The following RRAGD variants were observed in gnomAD, a reference collection of about 807,000 sequenced individuals.
RRAGD encodes the protein ras-related GTP-binding protein D.
In RRAGD, 12 loss-of-function variants were observed where a neutral mutation model predicts 35.5. That is an observed-to-expected ratio of 0.34 (90% CI 0.22 to 0.55). RRAGD has a LOEUF of 0.55. Among genes scored for constraint, RRAGD ranks in the 20% least tolerant of loss-of-function variants. RRAGD has a pLI of 0.91. For synonymous variants in RRAGD, 155 were observed against 178.9 expected (o/e 0.87, Z 1.07); for missense variants, 324 against 490.1 (o/e 0.66, Z 3.20).
In RRAGD at chr6:89,381,410, A is replaced by T. The variant is rs375186421; in HGVS notation, c.445-1043T>A. On this transcript the variant is annotated intron_variant, in intron 2 of 6. Coordinates refer to ENST00000369415, the MANE Select transcript of RRAGD (RefSeq NM_021244.5). ...CTATATAATGAACACCTGTGTATTT[A>T]TCTCTATTTAGGAAATAAAACACCT... Among the ~76,000 whole-genome samples the T allele has an allele frequency of 6.6e-5, 10 of 152,212 alleles. No homozygotes were observed. The East Asian group carries it at 1.2e-3, about 18-fold the overall frequency.
intron 1 of RRAGD, among the ~76,000 whole-genome samples, chr6:89,402,426 G>T (rs531395595): frequency 1.3e-5 from 2 of 152,060 alleles, no homozygotes; most frequent in African/African-American, 4.8e-5. Context: ...ACTCCCTTGC[G>T]GGTCCCAGTA....
At chr6:89,405,247 G>C (rs1196566428) in intron 1 of RRAGD, among the ~76,000 whole-genome samples, 2 of 151,638 alleles carry the variant, frequency 1.3e-5, no homozygotes, top group Admixed American at 1.3e-4. Flanking sequence ...CCAGCTGCTG[G>C]GGAGGCTGAG....
rs1562449107 is a variant in RRAGD, at chr6:89,380,079, C to T, written c.644+89G>A. 1.5e-5 allele frequency: 17 copies of T among 1,137,686 alleles called. No individual in the cohort carries two copies. The South Asian group carries it at 1.7e-4, about 11-fold the overall frequency. The allele number at this position is 1,137,686 out of a possible 1,614,324, so 70.5% of individuals were successfully genotyped here. A position where few individuals can be genotyped will look rare whatever the true frequency, so the allele number is the denominator to read the frequency against. On this transcript the variant is annotated intron_variant, in intron 3 of 6. Coordinates refer to ENST00000369415, the MANE Select transcript of RRAGD (RefSeq NM_021244.5). ...AGGGTAAAAAGAAGGTAAATTACTGCCCATGCCAAGCCAATCATGGTGACT... is the reference window on the plus strand; with the variant it reads ...AGGGTAAAAAGAAGGTAAATTACTGTCCATGCCAAGCCAATCATGGTGACT...
Position 89,366,751 on chromosome 6 carries a change from T to G in RRAGD, c.*1305A>C, listed in dbSNP as rs1768757342. 1 of 152,194 alleles carries G rather than the reference T, an allele frequency of 6.6e-6. No homozygotes were observed. Among genetic ancestry groups the G allele is most frequent in the Non-Finnish European group, 1.5e-5 (1 of 68,038 alleles). 9.4% of individuals were successfully genotyped at this position (152,194 alleles called of 1,614,324 possible). On this transcript the variant is annotated 3_prime_UTR_variant, in exon 7 of 7. Transcript: ENST00000369415. Reference sequence around the variant, plus strand: ...GGTAGATTTAGGACTCTTAATTTCCTGTTAGTCTAAAGTAAACATAAGTGA... The same window carrying G: ...GGTAGATTTAGGACTCTTAATTTCCGGTTAGTCTAAAGTAAACATAAGTGA...
In RRAGD at chr6:89,412,057, G is replaced by T; in HGVS notation, c.-64C>A. On this transcript the variant is annotated 5_prime_UTR_variant, in exon 1 of 7. Transcript: ENST00000369415. This position sits in a 1 kb window ranked among gnomAD's most constrained non-coding sequence, Gnocchi z 4.2. The stretch of plus-strand genomic sequence containing the variant: ...CCCGGGGTGGGGGCCAAGCCTCCTA[G>T]CCGGCCGCCCGCAGCCTATTTCTGA... 6.9e-7 allele frequency: 1 copy of T among 1,448,860 alleles called. No individual in the cohort carries two copies. The highest frequency in any genetic ancestry group is 1.3e-5 in the South Asian group (1 of 74,734). The allele number at this position is 1,448,860 out of a possible 1,614,324, so 89.8% of individuals were successfully genotyped here. A position where few individuals can be genotyped will look rare whatever the true frequency, so the allele number is the denominator to read the frequency against.
intron 2 of RRAGD, among the ~76,000 whole-genome samples, chr6:89,386,291 T>C (rs556401542): frequency 5.9e-5 from 9 of 152,294 alleles, no homozygotes; most frequent in African/African-American, 1.7e-4. Flanking sequence ...TCCTAAAATG[T>C]ATCTGCCTGA....
Position 89,411,139 on chromosome 6 carries a change from T to A in RRAGD, c.148+707A>T, listed in dbSNP as rs1046914821. Among the ~76,000 whole-genome samples, 4 of 152,200 alleles carry A rather than the reference T, an allele frequency of 2.6e-5. No individual in the cohort carries two copies. The highest frequency in any genetic ancestry group is 4.8e-5 in the African/African-American group (2 of 41,454). ...CAGGAAAAAGAGTTTGCTTCACTAT[T>A]GAAGCAAAGAATTCCCCGCCGCGCG... On this transcript the variant is annotated intron_variant, in intron 1 of 6. Coordinates refer to ENST00000369415, the MANE Select transcript of RRAGD (RefSeq NM_021244.5). The surrounding 1 kb of genome is among the most constrained non-coding windows in gnomAD (Gnocchi z 5.6).
intron 2 of RRAGD, among the ~76,000 whole-genome samples, chr6:89,381,403 T>C (rs1769040616): frequency 6.6e-6 from 1 of 152,192 alleles, no homozygotes; most frequent in African/African-American, 2.4e-5. Context: ...TGAACACCTG[T>C]GTATTTATCT....
At chr6:89,391,641 T>C (rs1769236584) in intron 1 of RRAGD, among the ~76,000 whole-genome samples, 1 of 152,098 alleles carries the variant, frequency 6.6e-6, no homozygotes, top group South Asian at 2.1e-4. Context: ...GTATGTAGTT[T>C]CTTTGGAGTG....
intron 1 of RRAGD, among the ~76,000 whole-genome samples, chr6:89,410,781 T>G (rs1042922684): frequency 2.6e-5 from 4 of 152,222 alleles, no homozygotes; most frequent in Non-Finnish European, 4.4e-5. Context: ...GAATTTAAAA[T>G]AAGTTCAGTG....
chr6:89,412,086 G>C lies in RRAGD; in HGVS notation c.-93C>G. 5 of 1,332,768 alleles carry C rather than the reference G, an allele frequency of 3.8e-6. No individual in the cohort carries two copies. The highest frequency in any genetic ancestry group is 5.0e-6 in the Non-Finnish European group (5 of 1,009,118). 82.6% of individuals were successfully genotyped at this position (1,332,768 alleles called of 1,614,324 possible). A position where few individuals can be genotyped will look rare whatever the true frequency, so the allele number is the denominator to read the frequency against. On this transcript the variant is annotated 5_prime_UTR_variant, in exon 1 of 7. Coordinates refer to ENST00000369415, the MANE Select transcript of RRAGD (RefSeq NM_021244.5). The surrounding 1 kb of genome is among the most constrained non-coding windows in gnomAD (Gnocchi z 4.2). ...GCCGCCCGCAGCCTATTTCTGAAGC[G>C]GAGGTTTGTCTAGAGCTCAGCGGGG...
intron 6 of RRAGD, among the ~76,000 whole-genome samples, chr6:89,368,578 G>T (rs909047450): frequency 6.6e-6 from 1 of 152,128 alleles, no homozygotes; most frequent in Admixed American, 6.5e-5. Flanking sequence ...TCTCCCCAAA[G>T]GGCATTATTA....
chr6:89,402,038 A>ATTTT lies in RRAGD; in HGVS notation c.148+9804_148+9807dup, dbSNP rs71556520. On this transcript the variant is annotated intron_variant, in intron 1 of 6. Transcript: ENST00000369415. ...TGAAAGCACTGAGGAAATCCTAAGGATTTTTTTTTTTTTTTTTTTTTTGGT... is the reference window on the plus strand; with the variant it reads ...TGAAAGCACTGAGGAAATCCTAAGGATTTTTTTTTTTTTTTTTTTTTTTTTTGGT... 2.3e-3 allele frequency among the ~76,000 whole-genome samples: 183 copies of ATTTT among 78,430 alleles called. 21 individuals carry two copies. Among genetic ancestry groups the ATTTT allele is most frequent in the African/African-American group, 8.2e-3 (130 of 15,864 alleles). The allele number at this position is 78,430 out of a possible 152,430, so 51.5% of individuals were successfully genotyped here.
intron 1 of RRAGD, 58 bp from the exon 2 acceptor site, chr6:89,387,648 G>A (rs1289073254): frequency 2.0e-6 from 3 of 1,468,892 alleles, no homozygotes; most frequent in Non-Finnish European, 2.8e-6. Context: ...GTTAATTAGA[G>A]GAGTTTCACT....
rs1768740911 is a variant in RRAGD, at chr6:89,366,234, T to C, written c.*1822A>G. 1 of 149,458 alleles carries C rather than the reference T, an allele frequency of 6.7e-6. No homozygotes were observed. The highest frequency in any genetic ancestry group is 6.7e-5 in the Admixed American group (1 of 15,014). The allele number at this position is 149,458 out of a possible 1,614,324, so 9.3% of individuals were successfully genotyped here. On this transcript the variant is annotated 3_prime_UTR_variant, in exon 7 of 7. Coordinates refer to ENST00000369415, the MANE Select transcript of RRAGD (RefSeq NM_021244.5). The stretch of plus-strand genomic sequence containing the variant: ...GTTGGAAAGAAGCCACAGAGAGAAG[T>C]GGGAAAGTTTAGGCTGGGCACAGTA...
chr6:89,391,574 T>C (rs1344121325), intron 1 of RRAGD, among the ~76,000 whole-genome samples: 4 of 152,116 alleles, frequency 2.6e-5, no homozygotes, highest in African/African-American at 7.2e-5. Context: ...AGACAAAAAG[T>C]AGTTAGTGGT....
At chr6:89,405,206 C>T (rs1228660257) in intron 1 of RRAGD, among the ~76,000 whole-genome samples, 1 of 151,680 alleles carries the variant, frequency 6.6e-6, no homozygotes, top group African/African-American at 2.4e-5. Context: ...ACAAAAAAAT[C>T]AGCCAGGTGT....
At chr6:89,393,150 G>A (rs1482932078) in intron 1 of RRAGD, among the ~76,000 whole-genome samples, 1 of 152,086 alleles carries the variant, frequency 6.6e-6, no homozygotes, top group African/African-American at 2.4e-5. Flanking sequence ...TAATAGAAAT[G>A]TTGTGCATAA....
Position 89,411,586 on chromosome 6 carries a change from G to T in RRAGD, c.148+260C>A. 1 of 511,110 alleles carries T rather than the reference G, an allele frequency of 2.0e-6. No individual in the cohort carries two copies. Among genetic ancestry groups the T allele is most frequent in the Non-Finnish European group, 3.5e-6 (1 of 286,402 alleles). The allele number at this position is 511,110 out of a possible 1,614,324, so 31.7% of individuals were successfully genotyped here. A position where few individuals can be genotyped will look rare whatever the true frequency, so the allele number is the denominator to read the frequency against. On this transcript the variant is annotated intron_variant, in intron 1 of 6. Coordinates refer to ENST00000369415, the MANE Select transcript of RRAGD (RefSeq NM_021244.5). This position sits in a 1 kb window ranked among gnomAD's most constrained non-coding sequence, Gnocchi z 5.6. ...GGCTCTGAAAGGGGCAGAAGCGCGCGCTCCTCCAGCCCAGACGCTTACTCC... is the reference window on the plus strand; with the variant it reads ...GGCTCTGAAAGGGGCAGAAGCGCGCTCTCCTCCAGCCCAGACGCTTACTCC...
Sources: gnomAD v4.1 joint callset for allele counts (sites outside exome capture counted in the v4.1 genomes callset) on GRCh38, gnomAD v4.1.1 for gene constraint, Gnocchi (gnomAD v3.1) non-coding constraint, MANE v1.5 for transcripts, NCBI Gene and HGNC (gene_info 2026-07-23, HGNC 2026-07-21) for gene names.